Variants in CCDC152 observed in about 807,000 individuals in gnomAD.
CCDC152 encodes coiled-coil domain containing 152.
Under a neutral mutation model 38.1 loss-of-function variants are expected in CCDC152, and 37 were observed. The ratio of observed to expected loss-of-function variants is 0.97; its 90% CI spans 0.75 to 1.28. CCDC152 has a LOEUF of 1.28. Ranked by LOEUF, CCDC152 falls within the 50% of genes most tolerant of loss-of-function variation. CCDC152 has a pLI of 0.00. For missense variants in CCDC152, 259 were observed against 292.1 expected (o/e 0.89, Z 0.83); for synonymous variants, 83 against 87.1 (o/e 0.95, Z 0.26).
intron 5 of CCDC152, 134 bp from the exon 6 acceptor site, chr5:42,783,340 A>T (rs986638876): frequency 2.8e-5 from 8 of 283,516 alleles, no homozygotes; most frequent in South Asian, 1.5e-4. Flanking sequence ...AGTAACTTTT[A>T]AAAAAGTAAC....
intron 6 of CCDC152, among the ~76,000 whole-genome samples, chr5:42,790,473 A>T (rs1200454004): frequency 1.3e-5 from 2 of 152,190 alleles, no homozygotes; most frequent in Non-Finnish European, 2.9e-5. Flanking sequence ...CAGTCACTTT[A>T]AAAATAGTTT....
chr5:42,779,560 T>C, intron 5 of CCDC152, 38 bp downstream of exon 5: 1 of 1,128,186 alleles, frequency 8.9e-7, no homozygotes, highest in Non-Finnish European at 1.3e-6. Context: ...CAAGTCCCTG[T>C]GGAGATTTAT....
chr5:42,772,919 A>G (rs960859395), intron 4 of CCDC152, among the ~76,000 whole-genome samples: 1 of 152,146 alleles, frequency 6.6e-6, no homozygotes, highest in Non-Finnish European at 1.5e-5. Flanking sequence ...TTTTTCAGAC[A>G]TTCACCCTTC....
intron 3 of CCDC152, among the ~76,000 whole-genome samples, chr5:42,765,185 A>T (rs1237147669): frequency 6.6e-6 from 1 of 152,178 alleles, no homozygotes; most frequent in Non-Finnish European, 1.5e-5. Context: ...TACAAATAAA[A>T]TTGAATACCT....
chr5:42,791,974 T>C (rs1405472701), intron 6 of CCDC152, among the ~76,000 whole-genome samples: 6 of 152,200 alleles, frequency 3.9e-5, no homozygotes, highest in Admixed American at 6.5e-5. Context: ...ACCCTAGTTA[T>C]TGACCTAACA....
In CCDC152 at chr5:42,800,683, C is replaced by G; in HGVS notation, c.*902C>G. ...AAAAATGCTGGAAATGAAATTGTGTCTAGACTAAATTGGGGAGTATGTCCT... is the reference window on the plus strand; with the variant it reads ...AAAAATGCTGGAAATGAAATTGTGTGTAGACTAAATTGGGGAGTATGTCCT... On this transcript the variant is annotated 3_prime_UTR_variant, in exon 9 of 9. Coordinates refer to ENST00000361970, the MANE Select transcript of CCDC152 (RefSeq NM_001134848.2). The G allele has an allele frequency of 6.5e-7, 1 of 1,536,250 alleles. No homozygotes were observed. Among genetic ancestry groups the G allele is most frequent in the African/African-American group, 1.4e-5 (1 of 72,330 alleles).
At chr5:42,760,626 G>A (rs1759540259) in intron 2 of CCDC152, among the ~76,000 whole-genome samples, 1 of 152,144 alleles carries the variant, frequency 6.6e-6, no homozygotes, top group Admixed American at 6.5e-5. Flanking sequence ...AGCAAGAGTG[G>A]GAGGGAGGCT....
At chr5:42,791,136 T>C (rs1216386943) in intron 6 of CCDC152, among the ~76,000 whole-genome samples, 2 of 152,212 alleles carry the variant, frequency 1.3e-5, no homozygotes, top group Non-Finnish European at 2.9e-5. Context: ...AGGATGATAA[T>C]TTTTTAATTG....
At position 42,802,406 on chromosome 5, in the gene CCDC152, G is replaced by A. The variant is rs753570555; in HGVS notation, c.*2625G>A. On this transcript the variant is annotated 3_prime_UTR_variant, in exon 9 of 9. Transcript: ENST00000361970. ...TTTGATGTTTTGAAGGTTTTAAAAG[G>A]TTATAAATTCCATTAAATTTTAGCA... 6.6e-6 allele frequency: 1 copy of A among 152,046 alleles called. No individual in the cohort carries two copies. The highest frequency in any genetic ancestry group is 1.5e-5 in the Non-Finnish European group (1 of 68,002). The allele number at this position is 152,046 out of a possible 1,614,324, so 9.4% of individuals were successfully genotyped here.
chr5:42,779,466 G>T lies in CCDC152; in HGVS notation c.271G>T (p.Glu91Ter), dbSNP rs1759813209. Residue 91 changes from glutamate (E) to a stop codon, truncating the protein, a stop_gained, in exon 5 of 9, where the codon GAA becomes TAA. Coordinates refer to ENST00000361970, the MANE Select transcript of CCDC152 (RefSeq NM_001134848.2). LOFTEE classifies it high-confidence loss of function. Reference sequence around the variant, plus strand: ...TGATTATTCTTACACAGGTGAAAATGAACAACTAAAAATAAGTGCTGATCT... The same window carrying T: ...TGATTATTCTTACACAGGTGAAAATTAACAACTAAAAATAAGTGCTGATCT... ...EYQQNLKGEN[E>*]QLKISADLIK... The T allele has an allele frequency of 1.3e-6, 2 of 1,498,746 alleles. No individual in the cohort carries two copies. Among genetic ancestry groups the T allele is most frequent in the African/African-American group, 1.4e-5 (1 of 71,728 alleles). 92.8% of individuals were successfully genotyped at this position (1,498,746 alleles called of 1,614,324 possible).
rs1760083562 is a variant in CCDC152, at chr5:42,796,926, A to T, written c.528A>T (p.Lys176Asn). 1 of 1,525,104 alleles carries T rather than the reference A, an allele frequency of 6.6e-7. No individual in the cohort carries two copies. Among genetic ancestry groups the T allele is most frequent in the Non-Finnish European group, 8.8e-7 (1 of 1,139,508 alleles). 94.5% of individuals were successfully genotyped at this position (1,525,104 alleles called of 1,614,324 possible). A position where few individuals can be genotyped will look rare whatever the true frequency, so the allele number is the denominator to read the frequency against. ...NAKLRSQEKE[K>N]QNEIIKLQLE... is the part of the protein sequence containing the mutation. The stretch of plus-strand genomic sequence containing the variant: ...AGCTAAGAAGTCAAGAAAAAGAAAA[A>T]CAAAATGAAATAATCAAGCTACAAC... The change falls in exon 7 of 9, where the codon AAA (lysine) becomes AAT (asparagine). Residue 176 changes from lysine (K) to asparagine (N), a missense_variant. Lys to Asn is a moderately conservative substitution (Grantham distance 94, BLOSUM62 0). Transcript: ENST00000361970.
chr5:42,796,718 C>A (rs970838080), intron 6 of CCDC152, 111 bp from the exon 7 acceptor site: 4 of 714,598 alleles, frequency 5.6e-6, no homozygotes, highest in African/African-American at 1.9e-5. Flanking sequence ...AAATATGTTT[C>A]ATTAATAAAA....
intron 4 of CCDC152, 109 bp downstream of exon 4, chr5:42,769,774 A>C: frequency 8.0e-7 from 1 of 1,248,726 alleles, no homozygotes; most frequent in Middle Eastern, 2.1e-4. Context: ...GTCAGCTAAA[A>C]GAGGACTCCT....
At chr5:42,770,894 A>T (rs771606648) in intron 4 of CCDC152, among the ~76,000 whole-genome samples, 1 of 152,022 alleles carries the variant, frequency 6.6e-6, no homozygotes, top group Non-Finnish European at 1.5e-5. Flanking sequence ...GCCATTATGT[A>T]TAGGATTGTT....
At chr5:42,758,791 ATAGT>A (rs1185784469) in intron 1 of CCDC152, among the ~76,000 whole-genome samples, 3 of 152,242 alleles carry the variant, frequency 2.0e-5, no homozygotes, top group African/African-American at 7.2e-5. Flanking sequence ...CTGTGACATG[ATAGT>A]TAAACAAGTA....
chr5:42,766,807 TA>T (rs1759630156), intron 3 of CCDC152, among the ~76,000 whole-genome samples: 1 of 145,392 alleles, frequency 6.9e-6, no homozygotes, highest in African/African-American at 2.5e-5. Context: ...TTAATGAGTA[TA>T]AAAAAATAGA....
In CCDC152 at chr5:42,799,985, A is replaced by G; in HGVS notation, c.*204A>G. 3.6e-6 allele frequency: 2 copies of G among 561,150 alleles called. No homozygotes were observed. The highest frequency in any genetic ancestry group is 3.0e-6 in the Non-Finnish European group (1 of 332,746). 34.8% of individuals were successfully genotyped at this position (561,150 alleles called of 1,614,324 possible). ...ATTAACCATAAAGGAGGTCAGGTTT[A>G]TAGGGTTTGGTTTACCTATTAAACC... On this transcript the variant is annotated 3_prime_UTR_variant, in exon 9 of 9. Transcript: ENST00000361970.
intron 4 of CCDC152, among the ~76,000 whole-genome samples, chr5:42,771,214 A>G (rs535487731): frequency 5.3e-5 from 8 of 152,354 alleles, no homozygotes; most frequent in South Asian, 2.1e-4. Flanking sequence ...TTTTTAAAGT[A>G]TCTGAGACAA....
At chr5:42,772,720 C>T (rs1038042572) in intron 4 of CCDC152, among the ~76,000 whole-genome samples, 2 of 151,538 alleles carry the variant, frequency 1.3e-5, no homozygotes, top group African/African-American at 4.9e-5. Flanking sequence ...TAAATGATGA[C>T]TCATTGAGTT....
Sources: gnomAD v4.1 joint callset for allele counts (sites outside exome capture counted in the v4.1 genomes callset) on GRCh38, gnomAD v4.1.1 for gene constraint, MANE v1.5 for transcripts, NCBI Gene and HGNC (gene_info 2026-07-23, HGNC 2026-07-21) for gene names.